CNTNAP2: variants seen among roughly 807,000 people sequenced by gnomAD.
The protein encoded by CNTNAP2 is contactin associated protein 2.
CNTNAP2 carries 98 observed loss-of-function variants against 155.2 expected under a neutral mutation model. The observed-to-expected ratio is 0.63, with a 90% CI of 0.54 to 0.75. CNTNAP2 has a LOEUF of 0.75. Ranked by LOEUF, CNTNAP2 falls within the 30% of genes least tolerant of loss-of-function variation. The pLI, the probability that CNTNAP2 is intolerant of heterozygous loss-of-function variation, is 0.00. For synonymous variants in CNTNAP2, 651 were observed against 631.2 expected, an observed-to-expected ratio of 1.03 and a Z score of -0.47; for missense variants, 1,727 against 1,688.1, an observed-to-expected ratio of 1.02 and a Z score of -0.40.
intron 21 of CNTNAP2, among the ~76,000 whole-genome samples, chr7:148,272,434 C>T (rs1390937221): frequency 6.6e-6 from 1 of 152,128 alleles, no homozygotes. Flanking sequence ...TCTGTTTGCT[C>T]ATGTCCTTTT....
intron 3 of CNTNAP2, among the ~76,000 whole-genome samples, chr7:146,929,487 G>T (rs1362081381): frequency 6.6e-6 from 1 of 152,112 alleles, no homozygotes; most frequent in Non-Finnish European, 1.5e-5. Context: ...CAAAGATGGG[G>T]AAAAAACAGA....
intron 15 of CNTNAP2, among the ~76,000 whole-genome samples, chr7:148,069,479 G>A (rs1803336873): frequency 6.6e-6 from 1 of 151,984 alleles, no homozygotes; most frequent in Non-Finnish European, 1.5e-5. Context: ...AAAGAAGGGC[G>A]AGGCCGGGCA....
chr7:146,934,692 T>G (rs925792921), intron 3 of CNTNAP2, among the ~76,000 whole-genome samples: 4 of 152,208 alleles, frequency 2.6e-5, no homozygotes, highest in African/African-American at 4.8e-5. Context: ...AATGGTATTT[T>G]TATACTATTT....
At chr7:146,618,993 C>T (rs1322411904) in intron 1 of CNTNAP2, among the ~76,000 whole-genome samples, 1 of 151,450 alleles carries the variant, frequency 6.6e-6, no homozygotes, top group Non-Finnish European at 1.5e-5. Flanking sequence ...TCGCTTGAAC[C>T]CAGGAGGGAG....
At chr7:146,742,607 C>T in intron 1 of CNTNAP2, among the ~76,000 whole-genome samples, 1 of 151,944 alleles carries the variant, frequency 6.6e-6, no homozygotes, top group East Asian at 1.9e-4. Context: ...AGAGAGAAAT[C>T]AGAAGGCTGT....
intron 6 of CNTNAP2, 54 bp from the exon 7 acceptor site, chr7:147,128,639 C>T (rs1801285665): frequency 2.5e-6 from 4 of 1,600,688 alleles, no homozygotes; most frequent in Non-Finnish European, 3.4e-6. Context: ...ATAGTTTTGT[C>T]TAGTTCATCA....
At chr7:147,656,584 A>G (rs143091231) in intron 13 of CNTNAP2, among the ~76,000 whole-genome samples, 2,523 of 152,334 alleles carry the variant, frequency 0.017, 218 homozygotes, top group Admixed American at 0.15. Context: ...ATAATTATCA[A>G]TTAAGTTTGT....
intron 1 of CNTNAP2, among the ~76,000 whole-genome samples, chr7:146,170,632 TGAA>T (rs891579630): frequency 7.2e-5 from 11 of 152,068 alleles, no homozygotes; most frequent in Non-Finnish European, 1.0e-4. Flanking sequence ...TTTAAAAAAT[TGAA>T]GAAGAATATG....
At chr7:148,182,005 C>T (rs1320750512) in intron 18 of CNTNAP2, among the ~76,000 whole-genome samples, 2 of 151,640 alleles carry the variant, frequency 1.3e-5, no homozygotes, top group Admixed American at 6.6e-5. Context: ...GATCCGCCCG[C>T]CTCAGCCTCC....
At chr7:147,592,935 C>G (rs923188719) in intron 12 of CNTNAP2, among the ~76,000 whole-genome samples, 3 of 152,174 alleles carry the variant, frequency 2.0e-5, no homozygotes, top group African/African-American at 4.8e-5. Context: ...GACAGTCCTC[C>G]CCACTGCTCA....
intron 9 of CNTNAP2, among the ~76,000 whole-genome samples, chr7:147,346,142 TA>T (rs11330251): frequency 0.78 from 115,482 of 147,148 alleles, 45,901 homozygotes; most frequent in African/African-American, 0.9. Context: ...TATTTTATTT[TA>T]TTTTATTTTA....
At chr7:146,675,089 AACATT>A (rs1800374771) in intron 1 of CNTNAP2, among the ~76,000 whole-genome samples, 1 of 152,188 alleles carries the variant, frequency 6.6e-6, no homozygotes, top group Non-Finnish European at 1.5e-5. Context: ...TTGGCAGGCA[AACATT>A]ACATCTTATT....
chr7:147,214,329 A>G (rs957883892), intron 8 of CNTNAP2, among the ~76,000 whole-genome samples: 4 of 152,166 alleles, frequency 2.6e-5, no homozygotes, highest in African/African-American at 4.8e-5. Flanking sequence ...TTCACACTGC[A>G]TAAGTTTGAT....
chr7:147,781,580 T>C (rs1797662286), intron 13 of CNTNAP2, among the ~76,000 whole-genome samples: 1 of 152,206 alleles, frequency 6.6e-6, no homozygotes, highest in African/African-American at 2.4e-5. Context: ...GTTCTATACT[T>C]AATGAATGAC....
chr7:147,665,696 C>T (rs1241955677), intron 13 of CNTNAP2, among the ~76,000 whole-genome samples: 1 of 152,158 alleles, frequency 6.6e-6, no homozygotes, highest in African/African-American at 2.4e-5. Flanking sequence ...CATTTAGCTC[C>T]CACTTATAAG....
At chr7:147,638,873 C>G in intron 12 of CNTNAP2, 1 of 614,028 alleles carries the variant, frequency 1.6e-6, no homozygotes, top group Non-Finnish European at 3.0e-6. Context: ...GCCTTGCTTT[C>G]AGGAGGTATC....
At chr7:147,515,524 T>C (rs1172418860) in intron 11 of CNTNAP2, among the ~76,000 whole-genome samples, 3 of 151,986 alleles carry the variant, frequency 2.0e-5, no homozygotes, top group African/African-American at 7.2e-5. Flanking sequence ...GGTTTTACCA[T>C]GTTGGCCAGG....
chr7:147,340,943 C>T lies in CNTNAP2; in HGVS notation c.1498+40653C>T, dbSNP rs750133242. ...TGACCTTACTCTCCCCAGCTCTCATCAGCTGCCACCGCTAGATGCTCCTCC... is the reference window on the plus strand; with the variant it reads ...TGACCTTACTCTCCCCAGCTCTCATTAGCTGCCACCGCTAGATGCTCCTCC... On this transcript the variant is annotated intron_variant, in intron 9 of 23. Coordinates refer to ENST00000361727, the MANE Select transcript of CNTNAP2 (RefSeq NM_014141.6). Among the ~76,000 whole-genome samples, 86 of 152,036 alleles carry T rather than the reference C, an allele frequency of 5.7e-4. 1 individual carries two copies. Among genetic ancestry groups the T allele is most frequent in the Non-Finnish European group, 1.2e-3 (79 of 68,006 alleles).
chr7:146,251,386 T>C (rs1161995685), intron 1 of CNTNAP2, among the ~76,000 whole-genome samples: 2 of 152,194 alleles, frequency 1.3e-5, no homozygotes, highest in Non-Finnish European at 2.9e-5. Flanking sequence ...ATTTGCTTCA[T>C]TTTTCCACCT....
Sources: allele counts gnomAD v4.1 joint callset (sites outside exome capture counted in the v4.1 genomes callset), GRCh38; gene constraint gnomAD v4.1.1; transcripts MANE v1.5; gene names NCBI Gene and HGNC (gene_info 2026-07-23, HGNC 2026-07-21).